The following RUNX1 variants were observed in gnomAD, a reference collection of about 807,000 sequenced individuals.
The protein encoded by RUNX1 is RUNX family transcription factor 1.
RUNX1 carries 19 observed loss-of-function variants against 42.8 expected under a neutral mutation model. The ratio of observed to expected loss-of-function variants is 0.44; its 90% CI spans 0.31 to 0.65. RUNX1 has a LOEUF of 0.65. Ranked by LOEUF, RUNX1 falls within the 30% of genes least tolerant of loss-of-function variation. The pLI, the probability that RUNX1 is intolerant of heterozygous loss-of-function variation, is 0.07. For missense variants in RUNX1, 528 were observed against 672.0 expected (o/e 0.79, Z 2.37); for synonymous variants, 271 against 289.4 (o/e 0.94, Z 0.64).
intron 2 of RUNX1, among the ~76,000 whole-genome samples, chr21:35,022,923 G>GTAATAATAATAATAATAATT: frequency 1.4e-5 from 1 of 73,844 alleles, no homozygotes; most frequent in African/African-American, 4.7e-5. Context: ...TAATAATAAG[G>GTAATAATAATAATAATAATT]CGGAGATTAT....
intron 2 of RUNX1, among the ~76,000 whole-genome samples, chr21:34,918,126 T>TGAAA (rs78532813): frequency 2.3e-5 from 1 of 42,726 alleles, no homozygotes; most frequent in African/African-American, 1.0e-4. Flanking sequence ...AGACTCTGTC[T>TGAAA]CAAAAAAAAA....
At chr21:34,959,000 T>C (rs1338729187) in intron 2 of RUNX1, among the ~76,000 whole-genome samples, 2 of 148,202 alleles carry the variant, frequency 1.3e-5, no homozygotes, top group Non-Finnish European at 3.0e-5. Flanking sequence ...AATTGAACAA[T>C]GAGAACACAT....
intron 6 of RUNX1, among the ~76,000 whole-genome samples, chr21:34,857,518 A>G (rs1327686296): frequency 6.6e-6 from 1 of 152,232 alleles, no homozygotes; most frequent in Non-Finnish European, 1.5e-5. Context: ...GGGTATACCC[A>G]GGGTCACCTG....
chr21:35,048,454 A>G (rs2059416470), intron 2 of RUNX1, among the ~76,000 whole-genome samples: 2 of 152,206 alleles, frequency 1.3e-5, no homozygotes, highest in Admixed American at 6.5e-5. Flanking sequence ...GCCACACAGC[A>G]TGCCGAGTTA....
intron 2 of RUNX1, among the ~76,000 whole-genome samples, chr21:34,934,672 T>C (rs2058472592): frequency 6.6e-6 from 1 of 152,050 alleles, no homozygotes; most frequent in Admixed American, 6.6e-5. Context: ...ATAAAGAATA[T>C]AGGAGCATCT....
intron 3 of RUNX1, among the ~76,000 whole-genome samples, chr21:34,889,153 G>GC (rs869089506): frequency 0.023 from 1 of 44 alleles, no homozygotes; most frequent in Non-Finnish European, 0.042. Flanking sequence ...CTCCCGAACC[G>GC]GGCTGCAGCC....
At chr21:35,039,251 A>G (rs1198452097) in intron 2 of RUNX1, among the ~76,000 whole-genome samples, 1 of 152,206 alleles carries the variant, frequency 6.6e-6, no homozygotes, top group Non-Finnish European at 1.5e-5. Context: ...TCATAAATTC[A>G]GTGTCTGCAA....
intron 7 of RUNX1, among the ~76,000 whole-genome samples, chr21:34,805,088 C>T (rs2056661305): frequency 6.6e-6 from 1 of 151,980 alleles, no homozygotes; most frequent in African/African-American, 2.4e-5. Context: ...ATTCTAAAAA[C>T]CAAAAGCACC....
intron 7 of RUNX1, among the ~76,000 whole-genome samples, chr21:34,821,081 G>A (rs1192235206): frequency 6.6e-6 from 1 of 152,070 alleles, no homozygotes; most frequent in Non-Finnish European, 1.5e-5. Flanking sequence ...CTCCTGTTTG[G>A]GTTTATCCAA....
At chr21:34,919,950 C>G (rs980207753) in intron 2 of RUNX1, among the ~76,000 whole-genome samples, 1 of 152,176 alleles carries the variant, frequency 6.6e-6, no homozygotes, top group African/African-American at 2.4e-5. Flanking sequence ...GATGTTCTTG[C>G]CAGGCTCTGC....
intron 2 of RUNX1, among the ~76,000 whole-genome samples, chr21:34,964,688 G>T (rs1259432290): frequency 6.6e-6 from 1 of 152,158 alleles, no homozygotes; most frequent in Non-Finnish European, 1.5e-5. Flanking sequence ...GGAGCAAAGA[G>T]TAAGGAAAAG....
intron 2 of RUNX1, among the ~76,000 whole-genome samples, chr21:34,913,419 T>C (rs1466976477): frequency 6.6e-6 from 1 of 152,188 alleles, no homozygotes; most frequent in Non-Finnish European, 1.5e-5. Flanking sequence ...GTGGATCTCC[T>C]GCAGAGATGG....
intron 5 of RUNX1, among the ~76,000 whole-genome samples, chr21:34,862,253 C>G (rs141840793): frequency 4.5e-4 from 69 of 152,250 alleles, no homozygotes; most frequent in African/African-American, 1.6e-3. Flanking sequence ...GGGATGCATG[C>G]AATGTCCCTT....
At chr21:34,823,712 G>C (rs1432993856) in intron 7 of RUNX1, among the ~76,000 whole-genome samples, 1 of 152,002 alleles carries the variant, frequency 6.6e-6, no homozygotes, top group African/African-American at 2.4e-5. Flanking sequence ...CAAAGTGCTG[G>C]GATTACCAGC....
chr21:34,876,430 T>TA (rs767564090), intron 5 of RUNX1, among the ~76,000 whole-genome samples: 245 of 152,328 alleles, frequency 1.6e-3, no homozygotes, highest in Non-Finnish European at 2.9e-3. Context: ...AAGCTGGCCC[T>TA]CCATGATCAA....
chr21:34,920,357 C>G (rs778816890), intron 2 of RUNX1, among the ~76,000 whole-genome samples: 7 of 152,056 alleles, frequency 4.6e-5, no homozygotes, highest in South Asian at 2.1e-4. Context: ...CATTTCTGCA[C>G]AATGAGGTGA....
intron 5 of RUNX1, among the ~76,000 whole-genome samples, chr21:34,879,238 T>C (rs891349835): frequency 6.6e-6 from 1 of 152,238 alleles, no homozygotes; most frequent in Non-Finnish European, 1.5e-5. Context: ...TAATGACTTA[T>C]GCTTTTATAT....
At chr21:34,870,948 C>G (rs369411983) in intron 5 of RUNX1, among the ~76,000 whole-genome samples, 1 of 151,520 alleles carries the variant, frequency 6.6e-6, no homozygotes, top group African/African-American at 2.4e-5. Flanking sequence ...CAGGGCGAGA[C>G]TCCATCTCAA....
intron 2 of RUNX1, among the ~76,000 whole-genome samples, chr21:34,991,958 G>C (rs750880262): frequency 6.6e-6 from 1 of 152,210 alleles, no homozygotes; most frequent in Non-Finnish European, 1.5e-5. Context: ...GGCAACTGCT[G>C]TAAGGTAGAA....
Sources: allele counts gnomAD v4.1 joint callset (sites outside exome capture counted in the v4.1 genomes callset), GRCh38; gene constraint gnomAD v4.1.1; transcripts MANE v1.5; gene names NCBI Gene and HGNC (gene_info 2026-07-23, HGNC 2026-07-21).